KCND3: variants seen among roughly 807,000 people sequenced by gnomAD.
KCND3 encodes the protein A-type voltage-gated potassium channel KCND3.
A neutral mutation model predicts 51.1 loss-of-function variants in KCND3; 9 were observed. The ratio of observed to expected loss-of-function variants is 0.18; its 90% CI spans 0.11 to 0.31. The LOEUF (loss-of-function observed/expected upper bound fraction) is 0.31, where lower values mean the gene tolerates loss of function less well. Among genes scored for constraint, KCND3 ranks in the 10% least tolerant of loss-of-function variants. The pLI, the probability that KCND3 is intolerant of heterozygous loss-of-function variation, is 1.00. For missense variants in KCND3, 526 were observed against 903.8 expected (o/e 0.58, Z 5.36); for synonymous variants, 349 against 368.0 (o/e 0.95, Z 0.59).
intron 2 of KCND3, among the ~76,000 whole-genome samples, chr1:111,837,458 A>G (rs377109689): frequency 2.6e-4 from 39 of 152,348 alleles, no homozygotes; most frequent in Admixed American, 7.2e-4. Flanking sequence ...GGTAGCTATC[A>G]TTATTAGCCC....
chr1:111,920,761 C>T (rs1386213642), intron 2 of KCND3, among the ~76,000 whole-genome samples: 2 of 152,310 alleles, frequency 1.3e-5, no homozygotes, highest in South Asian at 4.1e-4. Context: ...GTGTGTGCCC[C>T]AACACTCCCA....
intron 2 of KCND3, among the ~76,000 whole-genome samples, chr1:111,822,100 GT>G (rs1666377563): frequency 1.3e-5 from 2 of 149,520 alleles, no homozygotes; most frequent in Non-Finnish European, 3.0e-5. Context: ...TTTTTTGAGT[GT>G]TAAAAACCAT....
chr1:111,802,079 A>G (rs1429453403), intron 2 of KCND3, among the ~76,000 whole-genome samples: 2 of 152,230 alleles, frequency 1.3e-5, no homozygotes, highest in Non-Finnish European at 2.9e-5. Context: ...ATAGCAATAA[A>G]CTACCTCACA....
chr1:111,941,198 C>A (rs1006628640), intron 2 of KCND3, among the ~76,000 whole-genome samples: 7 of 151,954 alleles, frequency 4.6e-5, no homozygotes, highest in African/African-American at 7.3e-5. Flanking sequence ...AAAAAAAAAA[C>A]CAGACACATT....
Position 111,780,027 on chromosome 1 carries a change from C to G in KCND3, c.1461+198G>C, listed in dbSNP as rs1285486091. The stretch of plus-strand genomic sequence containing the variant: ...TGGCCTCCTCAATGCTCCTGCAGGA[C>G]AGAGCTGGTCTCCCACCCTGGTGAC... On this transcript the variant is annotated intron_variant, in intron 5 of 7. Coordinates refer to ENST00000302127, the MANE Select transcript of KCND3 (RefSeq NM_001378969.1). This position sits in a 1 kb window ranked among gnomAD's most constrained non-coding sequence, Gnocchi z 4.2. 6.6e-6 allele frequency among the ~76,000 whole-genome samples: 1 copy of G among 152,220 alleles called. No homozygotes were observed. The highest frequency in any genetic ancestry group is 2.4e-5 in the African/African-American group (1 of 41,458).
At chr1:111,869,578 T>C (rs777607608) in intron 2 of KCND3, among the ~76,000 whole-genome samples, 1 of 152,098 alleles carries the variant, frequency 6.6e-6, no homozygotes, top group Non-Finnish European at 1.5e-5. Flanking sequence ...ATGTGCTCAG[T>C]TGGGAAGGAA....
At chr1:111,881,443 T>C (rs1220124876) in intron 2 of KCND3, among the ~76,000 whole-genome samples, 1 of 152,192 alleles carries the variant, frequency 6.6e-6, no homozygotes, top group Non-Finnish European at 1.5e-5. Flanking sequence ...AGGGCTTTGC[T>C]CTCTCATCTG....
Position 111,982,686 on chromosome 1 carries a change from G to A in KCND3, c.41C>T (p.Ala14Val). The A allele has an allele frequency of 6.2e-7, 1 of 1,609,854 alleles. No individual in the cohort carries two copies. Among genetic ancestry groups the A allele is most frequent in the Non-Finnish European group, 8.5e-7 (1 of 1,179,720 alleles). ...GVAAWLPFARAAAIGWMPVAN... is the reference protein window; with the variant it reads ...GVAAWLPFARVAAIGWMPVAN... ...CACCGGCATCCACCCGATGGCCGCA[G>A]CCCGGGCAAAAGGCAGCCAGGCCGC... Residue 14 changes from alanine (A) to valine (V), a missense_variant, in exon 2 of 8, where the codon GCT becomes GTT. Around this residue, in one of 5 missense-constraint regions of KCND3, gnomAD observed 159 missense variants for 262.8 expected, o/e 0.61. Transcript: ENST00000302127. The surrounding 1 kb of genome is among the most constrained non-coding windows in gnomAD (Gnocchi z 8.5).
intron 2 of KCND3, among the ~76,000 whole-genome samples, chr1:111,883,536 C>T (rs1669434375): frequency 6.6e-6 from 1 of 152,144 alleles, no homozygotes; most frequent in Non-Finnish European, 1.5e-5. Flanking sequence ...ATATTCACTG[C>T]CATTTAGATA....
intron 2 of KCND3, among the ~76,000 whole-genome samples, chr1:111,787,910 G>A (rs1002363518): frequency 2.0e-5 from 3 of 152,190 alleles, no homozygotes; most frequent in Non-Finnish European, 4.4e-5. Flanking sequence ...CATTTGCTCA[G>A]CTGGGATTAA....
intron 2 of KCND3, among the ~76,000 whole-genome samples, chr1:111,811,666 TCTC>T (rs1665857416): frequency 6.6e-6 from 1 of 152,182 alleles, no homozygotes; most frequent in South Asian, 2.1e-4. Flanking sequence ...ACTCTCTGCC[TCTC>T]CTCTTTTCCT....
rs1674948415 is a variant in KCND3 at position 111,981,546 on chromosome 1, A to C, written c.1106+75T>G. 3 of 1,604,806 alleles carry C rather than the reference A, an allele frequency of 1.9e-6. No homozygotes were observed. Among genetic ancestry groups the C allele is most frequent in the Non-Finnish European group, 2.6e-6 (3 of 1,172,414 alleles). On this transcript the variant is annotated intron_variant, in intron 2 of 7. Transcript: ENST00000302127. The surrounding 1 kb of genome is among the most constrained non-coding windows in gnomAD (Gnocchi z 6.2). ...TCCCTCCTCCTCTACCCATGGTGAC[A>C]CCATCCAAGGTTTCAGAGGTCATCC...
chr1:111,786,740 T>C (rs557136697), intron 3 of KCND3, among the ~76,000 whole-genome samples: 11 of 151,994 alleles, frequency 7.2e-5, no homozygotes, highest in Non-Finnish European at 1.3e-4. Flanking sequence ...AGCTTACAGA[T>C]AATTGAGGGT....
At chr1:111,781,718 C>T (rs903213521) in intron 3 of KCND3, among the ~76,000 whole-genome samples, 1 of 152,146 alleles carries the variant, frequency 6.6e-6, no homozygotes, top group Admixed American at 6.5e-5. Context: ...GGGGTTTCAC[C>T]ATGTATCACC....
chr1:111,975,400 G>A (rs908751433), intron 2 of KCND3, among the ~76,000 whole-genome samples: 20 of 152,136 alleles, frequency 1.3e-4, no homozygotes, highest in Admixed American at 1.0e-3. Context: ...TGTGGGAGCT[G>A]GTGAAGCTTG....
chr1:111,912,957 C>T (rs1671034161), intron 2 of KCND3, among the ~76,000 whole-genome samples: 2 of 152,098 alleles, frequency 1.3e-5, no homozygotes, highest in African/African-American at 2.4e-5. Context: ...GTAGTATAGC[C>T]TAAGTGTACA....
intron 2 of KCND3, among the ~76,000 whole-genome samples, chr1:111,798,806 C>A (rs1398682215): frequency 2.7e-5 from 4 of 150,156 alleles, no homozygotes; most frequent in South Asian, 2.1e-4. Context: ...CATCAGAGGG[C>A]CTTTCTGCTG....
intron 2 of KCND3, among the ~76,000 whole-genome samples, chr1:111,867,326 A>AC (rs59277951): frequency 0.025 from 3,753 of 152,332 alleles, 156 homozygotes; most frequent in African/African-American, 0.085. Context: ...GGATGCAAAT[A>AC]GAACTAAACA....
At chr1:111,955,775 A>G (rs1429856170) in intron 2 of KCND3, among the ~76,000 whole-genome samples, 2 of 152,230 alleles carry the variant, frequency 1.3e-5, no homozygotes, top group Admixed American at 1.3e-4. Context: ...AACAGCCAAC[A>G]TTGCGTTCAA....
Sources: gnomAD v4.1 joint callset for allele counts (sites outside exome capture counted in the v4.1 genomes callset) on GRCh38, gnomAD v4.1.1 for gene constraint, gnomAD v4.1.1 regional missense constraint, Gnocchi (gnomAD v3.1) non-coding constraint, MANE v1.5 for transcripts, NCBI Gene and HGNC (gene_info 2026-07-23, HGNC 2026-07-21) for gene names.